HDGF: variants seen among roughly 807,000 people sequenced by gnomAD.
HDGF encodes the protein hepatoma-derived growth factor.
In HDGF, 5 loss-of-function variants were observed where a neutral mutation model predicts 30.0. The ratio of observed to expected loss-of-function variants is 0.17; its 90% CI spans 0.09 to 0.35. The LOEUF is 0.35. Among genes scored for constraint, HDGF ranks in the 10% least tolerant of loss-of-function variants. The probability of loss-of-function intolerance (pLI) is 1.00; values close to 1 mark genes in which losing one functional copy is unlikely to be tolerated. For missense variants in HDGF, 214 were observed against 302.8 expected (o/e 0.71, Z 2.18); for synonymous variants, 133 against 112.7 (o/e 1.18, Z -1.14).
At chr1:156,744,790 C>T (rs932612417) in intron 3 of HDGF, among the ~76,000 whole-genome samples, 2 of 152,108 alleles carry the variant, frequency 1.3e-5, no homozygotes, top group Non-Finnish European at 2.9e-5. Context: ...TTCTTGCCCC[C>T]CAGACTGCTG....
chr1:156,751,935 T>C (rs1348860969), upstream of HDGF: 2 of 1,132,270 alleles, frequency 1.8e-6, no homozygotes, highest in East Asian at 5.3e-5. This position sits in a 1 kb window ranked among gnomAD's most constrained non-coding sequence, Gnocchi z 4.7. Context: ...CCGAGCAGGC[T>C]TTGTGTGCCC....
At chr1:156,762,951 C>G (rs1279256523) in intron 1 of HDGF, among the ~76,000 whole-genome samples, 2 of 152,052 alleles carry the variant, frequency 1.3e-5, no homozygotes, top group Admixed American at 1.3e-4. Flanking sequence ...TGGTATCAGA[C>G]TCTAAACATT....
intron 1 of HDGF, among the ~76,000 whole-genome samples, chr1:156,747,956 C>A (rs1238812483): frequency 2.6e-5 from 4 of 152,086 alleles, no homozygotes; most frequent in African/African-American, 9.7e-5. Context: ...AGCTGCCCAG[C>A]CCCAGCAGTG....
intron 4 of HDGF, 109 bp from the exon 5 acceptor site, chr1:156,743,987 C>A (rs893635935): frequency 7.5e-6 from 8 of 1,068,076 alleles, no homozygotes; most frequent in South Asian, 1.3e-5. Context: ...CAGTCCTTCC[C>A]CAACCCTACT....
upstream of HDGF, chr1:156,751,817 A>C (rs1333318407): frequency 1.2e-6 from 1 of 813,276 alleles, no homozygotes; most frequent in South Asian, 3.2e-5. The surrounding 1 kb of genome is among the most constrained non-coding windows in gnomAD (Gnocchi z 4.7). Context: ...CGGCGGTTTG[A>C]TGCGTGCAGC....
upstream of HDGF, among the ~76,000 whole-genome samples, chr1:156,755,216 G>T (rs1028139502): frequency 1.3e-5 from 2 of 152,302 alleles, no homozygotes; most frequent in East Asian, 3.9e-4. Flanking sequence ...AGGGACTTGG[G>T]ACCCCAAAGC....
chr1:156,765,826 C>T (rs911282123), intron 1 of HDGF, among the ~76,000 whole-genome samples: 1 of 152,050 alleles, frequency 6.6e-6, no homozygotes. Context: ...GAGAAGTGAC[C>T]GCACAGTCAC....
Position 156,762,953 on chromosome 1 carries a change from C to G in HDGF, n.137-3734G>C, listed in dbSNP as rs184899734. 8.4e-4 allele frequency among the ~76,000 whole-genome samples: 128 copies of G among 152,164 alleles called. 1 individual carries two copies. The highest frequency in any genetic ancestry group is 7.5e-3 in the Admixed American group (115 of 15,290). ...TAGGGGGAATCCCTGGTATCAGACT[C>G]TAAACATTGATTCTCAGCATTCCTC... On this transcript the variant is annotated intron_variant and non_coding_transcript_variant, in intron 1 of 7. Transcript: ENST00000465180.
At chr1:156,745,761 A>G (rs1650493025) in intron 1 of HDGF, among the ~76,000 whole-genome samples, 1 of 152,134 alleles carries the variant, frequency 6.6e-6, no homozygotes, top group Admixed American at 6.5e-5. Flanking sequence ...AAACCCTTCA[A>G]TACCTTTTAA....
At chr1:156,759,186 G>A (rs549538932) in exon 2 of HDGF, 14 of 152,142 alleles carry the variant, frequency 9.2e-5, no homozygotes, top group Non-Finnish European at 1.6e-4. Flanking sequence ...CTGGTTTAAC[G>A]TTTTGTGTAG....
upstream of HDGF, chr1:156,752,166 G>A (rs972742774): frequency 6.4e-7 from 1 of 1,551,544 alleles, no homozygotes; most frequent in Non-Finnish European, 8.7e-7. Context: ...CGCCGAGGGC[G>A]AGAGGAGTGG....
At chr1:156,747,808 G>A (rs1366208100) in intron 1 of HDGF, among the ~76,000 whole-genome samples, 2 of 152,132 alleles carry the variant, frequency 1.3e-5, no homozygotes. Context: ...CAGAAATAAG[G>A]AGAAATGAGG....
chr1:156,764,866 A>G (rs1651324201), intron 1 of HDGF, among the ~76,000 whole-genome samples: 1 of 150,706 alleles, frequency 6.6e-6, no homozygotes, highest in African/African-American at 2.4e-5. Flanking sequence ...AGCATGGGCG[A>G]CAGTACAAGA....
intron 2 of HDGF, 45 bp from the exon 3 acceptor site, chr1:156,745,191 C>G: frequency 6.2e-7 from 1 of 1,613,308 alleles, no homozygotes; most frequent in Non-Finnish European, 8.5e-7. Flanking sequence ...CTCACTGCCC[C>G]TGAGCTGCAC....
chr1:156,750,896 A>G (rs966556795), intron 1 of HDGF, among the ~76,000 whole-genome samples: 4 of 151,352 alleles, frequency 2.6e-5, no homozygotes, highest in African/African-American at 9.7e-5. Context: ...AAGAGTTTGA[A>G]TTAGGGGCGA....
intron 1 of HDGF, among the ~76,000 whole-genome samples, chr1:156,762,072 G>C (rs1651259080): frequency 6.6e-6 from 1 of 151,640 alleles, no homozygotes; most frequent in Non-Finnish European, 1.5e-5. Flanking sequence ...AGCTGGGGAG[G>C]TCGAGGCTGC....
At chr1:156,744,096 C>T in intron 4 of HDGF, 67 bp downstream of exon 4, 1 of 1,542,452 alleles carries the variant, frequency 6.5e-7, no homozygotes, top group Non-Finnish European at 9.0e-7. Context: ...AGGCAAAGCC[C>T]TGCTCCTGTG....
chr1:156,761,218 C>T (rs1020995485), intron 1 of HDGF, among the ~76,000 whole-genome samples: 72 of 151,828 alleles, frequency 4.7e-4, no homozygotes, highest in African/African-American at 1.6e-3. Context: ...GAGGCTGAGG[C>T]AGAATTGCTT....
In HDGF at chr1:156,743,331, G is replaced by T; in HGVS notation, c.*118C>A. On this transcript the variant is annotated 3_prime_UTR_variant, in exon 6 of 6. Transcript: ENST00000357325. ...CTTGGAGTGGGAAAAGTGAGTAGAA[G>T]AGGAGAGCAGGTTGGGGTGGGAAAG... The T allele has an allele frequency of 9.2e-7, 1 of 1,090,140 alleles. No homozygotes were observed. Among genetic ancestry groups the T allele is most frequent in the Non-Finnish European group, 1.3e-6 (1 of 755,492 alleles). 67.5% of individuals were successfully genotyped at this position (1,090,140 alleles called of 1,614,324 possible).
Sources: gnomAD v4.1 joint callset for allele counts (sites outside exome capture counted in the v4.1 genomes callset) on GRCh38, gnomAD v4.1.1 for gene constraint, Gnocchi (gnomAD v3.1) non-coding constraint, MANE v1.5 for transcripts, NCBI Gene and HGNC (gene_info 2026-07-23, HGNC 2026-07-21) for gene names.